The following ZNF680 variants were observed in gnomAD, a reference collection of about 807,000 sequenced individuals.
ZNF680 encodes the protein hypothetical protein FLJ90430.
A neutral mutation model predicts 12.1 loss-of-function variants in ZNF680; 6 were observed. The observed-to-expected ratio is 0.49, with a 90% CI of 0.27 to 0.98. The LOEUF (loss-of-function observed/expected upper bound fraction) is 0.98, where lower values mean the gene tolerates loss of function less well. Ranked by LOEUF, ZNF680 falls within the 50% of genes least tolerant of loss-of-function variation. ZNF680 has a pLI of 0.12. For synonymous variants in ZNF680, 170 were observed against 199.3 expected (o/e 0.85, Z 1.24); for missense variants, 561 against 616.3 (o/e 0.91, Z 0.95).
chr7:64,531,334 G>A (rs62461515), intron 3 of ZNF680, among the ~76,000 whole-genome samples: 7,872 of 152,042 alleles, frequency 0.052, 288 homozygotes, highest in East Asian at 0.17. Context: ...AGTGACTCAC[G>A]CCTGTAATCC....
chr7:64,499,180 A>G, the ZNF680 span, among the ~76,000 whole-genome samples: 1 of 152,232 alleles, frequency 6.6e-6, no homozygotes, highest in South Asian at 2.1e-4. Context: ...TGAAATATAA[A>G]TGATTTTGTT....
intron 3 of ZNF680, among the ~76,000 whole-genome samples, chr7:64,541,274 C>G (rs1786485204): frequency 6.6e-6 from 1 of 151,844 alleles, no homozygotes; most frequent in African/African-American, 2.4e-5. Context: ...ATGTCTGAAC[C>G]TAAAGTACAG....
chr7:64,510,546 C>A, the ZNF680 span, among the ~76,000 whole-genome samples: 1 of 151,984 alleles, frequency 6.6e-6, no homozygotes, highest in Non-Finnish European at 1.5e-5. Flanking sequence ...TAACACTTTC[C>A]TCTGTGCCCC....
chr7:64,538,186 GA>G (rs372470034), intron 3 of ZNF680, among the ~76,000 whole-genome samples: 4 of 151,924 alleles, frequency 2.6e-5, no homozygotes, highest in East Asian at 3.9e-4. Context: ...AAAAATATAG[GA>G]AAAAAACATG....
intron 1 of ZNF680, among the ~76,000 whole-genome samples, chr7:64,549,670 T>C (rs1786966551): frequency 6.9e-6 from 1 of 145,398 alleles, no homozygotes; most frequent in African/African-American, 2.5e-5. Context: ...CTAAATGATA[T>C]GTCTACCTAA....
intron 3 of ZNF680, among the ~76,000 whole-genome samples, chr7:64,529,276 C>T (rs1311924686): frequency 6.6e-6 from 1 of 152,194 alleles, no homozygotes; most frequent in Non-Finnish European, 1.5e-5. Context: ...CAAATTATCA[C>T]ACTAGCTAAC....
chr7:64,505,041 G>A, the ZNF680 span, among the ~76,000 whole-genome samples: 1 of 152,162 alleles, frequency 6.6e-6, no homozygotes, highest in African/African-American at 2.4e-5. Context: ...AAACCCGAGG[G>A]AGCCATCTAA....
chr7:64,561,051 C>T (rs1188489905), intron 1 of ZNF680: 1 of 151,980 alleles, frequency 6.6e-6, no homozygotes, highest in Non-Finnish European at 1.5e-5. Context: ...TATTTTTCTG[C>T]CCCCTTAGAG....
chr7:64,521,796 T>C lies in ZNF680; in HGVS notation c.958A>G (p.Lys320Glu). 1.2e-6 allele frequency: 2 copies of C among 1,613,388 alleles called. No individual in the cohort carries two copies. The highest frequency in any genetic ancestry group is 2.2e-5 in the East Asian group (1 of 44,856). The part of the protein sequence containing the change: ...TNHKRIHTGE[K>E]PFKCEECGKD... Reference sequence around the variant, plus strand: ...CCACATTCTTCACATTTGAAGGGTTTCTCTCCAGTATGAATTCTCTTATGG... The same window carrying C: ...CCACATTCTTCACATTTGAAGGGTTCCTCTCCAGTATGAATTCTCTTATGG... Residue 320 changes from lysine (K) to glutamate (E), a missense_variant, in exon 4 of 4, where the codon AAA (lysine) becomes GAA (glutamate). By Grantham distance (56) the Lys-to-Glu change is moderately conservative. Coordinates refer to ENST00000309683, the MANE Select transcript of ZNF680 (RefSeq NM_178558.5).
chr7:64,556,259 TAA>T (rs58056053), intron 1 of ZNF680, among the ~76,000 whole-genome samples: 10,227 of 88,396 alleles, frequency 0.12, 755 homozygotes, highest in East Asian at 0.36. Context: ...TTCACGGAAC[TAA>T]AAAAAAAAAA....
At chr7:64,548,005 A>G (rs1315160600) in intron 1 of ZNF680, among the ~76,000 whole-genome samples, 1 of 152,164 alleles carries the variant, frequency 6.6e-6, no homozygotes, top group African/African-American at 2.4e-5. Context: ...AAGGCCTCCA[A>G]AAAGAGTGAA....
chr7:64,532,385 C>T (rs984140618), intron 3 of ZNF680, among the ~76,000 whole-genome samples: 1 of 151,950 alleles, frequency 6.6e-6, no homozygotes, highest in Non-Finnish European at 1.5e-5. Context: ...ACTGATACCA[C>T]ATTAATACAA....
At chr7:64,508,142 TACATAA>T in the ZNF680 span, among the ~76,000 whole-genome samples, 1 of 112,218 alleles carries the variant, frequency 8.9e-6, no homozygotes, top group Non-Finnish European at 1.8e-5. Flanking sequence ...TATATATATA[TACATAA>T]TTTTTTTTTT....
intron 1 of ZNF680, among the ~76,000 whole-genome samples, chr7:64,550,184 CTTAT>C (rs147157993): frequency 1.3e-5 from 2 of 152,230 alleles, no homozygotes; most frequent in African/African-American, 2.4e-5. Context: ...GTTAGAAATT[CTTAT>C]TTATTTACAA....
At chr7:64,508,793 G>A in the ZNF680 span, among the ~76,000 whole-genome samples, 1 of 152,238 alleles carries the variant, frequency 6.6e-6, no homozygotes, top group African/African-American at 2.4e-5. Flanking sequence ...TGGCTATTAT[G>A]CCTCCTATCC....
intron 1 of ZNF680, among the ~76,000 whole-genome samples, chr7:64,561,527 G>A (rs1787733066): frequency 6.6e-6 from 1 of 152,072 alleles, no homozygotes; most frequent in Admixed American, 6.6e-5. Context: ...TAGTGTCCAG[G>A]GATTACTCTT....
rs768140495 is a variant in ZNF680 at position 64,522,059 on chromosome 7, T to C, written c.695A>G (p.His232Arg). 1.2e-6 allele frequency: 2 copies of C among 1,613,196 alleles called. No homozygotes were observed. Among genetic ancestry groups the C allele is most frequent in the Non-Finnish European group, 1.7e-6 (2 of 1,179,602 alleles). ...FSELIKHKGI[H>R]MGEKPYKCEE... ...ACATTTGTAGGGTTTCTCTCCCATATGAATTCCCTTATGTTTAATAAGCTC... is the reference window on the plus strand; with the variant it reads ...ACATTTGTAGGGTTTCTCTCCCATACGAATTCCCTTATGTTTAATAAGCTC... The change falls in exon 4 of 4, where the codon CAT becomes CGT. Residue 232 changes from histidine to arginine, a missense_variant. His to Arg is a conservative substitution (Grantham distance 29). Transcript: ENST00000309683.
chr7:64,560,221 T>G (rs1026069726), intron 1 of ZNF680, among the ~76,000 whole-genome samples: 1 of 151,806 alleles, frequency 6.6e-6, no homozygotes, highest in Non-Finnish European at 1.5e-5. Context: ...TCAAGCAATT[T>G]TCCTGCTTCA....
the ZNF680 span, among the ~76,000 whole-genome samples, chr7:64,500,158 C>T: frequency 6.6e-5 from 10 of 152,184 alleles, no homozygotes; most frequent in African/African-American, 1.7e-4. Context: ...AGCCACCCTT[C>T]GTGTTTCTCT....
Sources: allele counts gnomAD v4.1 joint callset (sites outside exome capture counted in the v4.1 genomes callset), GRCh38; gene constraint gnomAD v4.1.1; transcripts MANE v1.5; gene names NCBI Gene and HGNC (gene_info 2026-07-23, HGNC 2026-07-21).